The following SERGEF variants were observed in gnomAD, a reference collection of about 807,000 sequenced individuals.
The protein encoded by SERGEF is secretion regulating guanine nucleotide exchange factor.
SERGEF carries 51 observed loss-of-function variants against 50.0 expected under a neutral mutation model. That is an observed-to-expected ratio of 1.02 (90% confidence interval 0.81 to 1.29). The LOEUF (loss-of-function observed/expected upper bound fraction) is 1.29. Among genes scored for constraint, SERGEF ranks in the 50% most tolerant of loss-of-function variants. The probability of loss-of-function intolerance (pLI) is 0.00; values close to 1 mark genes in which losing one functional copy is unlikely to be tolerated. For synonymous variants in SERGEF, 205 were observed against 212.4 expected (o/e 0.97, Z 0.30); for missense variants, 521 against 557.0 (o/e 0.94, Z 0.65).
At chr11:17,874,867 G>C (rs1383037762) in intron 10 of SERGEF, among the ~76,000 whole-genome samples, 1 of 151,632 alleles carries the variant, frequency 6.6e-6, no homozygotes, top group East Asian at 1.9e-4. Context: ...TCCTTCTCTA[G>C]CTCCTGAGAT....
chr11:17,842,468 C>T (rs984499098), intron 10 of SERGEF, among the ~76,000 whole-genome samples: 2 of 152,300 alleles, frequency 1.3e-5, no homozygotes, highest in Middle Eastern at 3.4e-3. Context: ...ATGCATTAGG[C>T]GTGGTACCAA....
chr11:18,012,455 T>C (rs1055306769), intron 1 of SERGEF: 19 of 1,032,438 alleles, frequency 1.8e-5, no homozygotes, highest in Admixed American at 5.7e-5. Flanking sequence ...TGTCAGCAAA[T>C]AGGCAGGGTC....
chr11:17,840,042 TG>T (rs1405484366), intron 10 of SERGEF, among the ~76,000 whole-genome samples: 1 of 152,214 alleles, frequency 6.6e-6, no homozygotes, highest in African/African-American at 2.4e-5. Flanking sequence ...CAGTCCACCA[TG>T]GGAAGCAGTC....
chr11:17,882,621 C>A (rs977021905), intron 9 of SERGEF, among the ~76,000 whole-genome samples: 3 of 152,018 alleles, frequency 2.0e-5, no homozygotes, highest in African/African-American at 7.3e-5. Context: ...TAGAAGACTG[C>A]CTGCTCAGTA....
chr11:18,006,396 G>A (rs144515531), intron 3 of SERGEF, among the ~76,000 whole-genome samples, 195 bp downstream of exon 3: 155 of 152,156 alleles, frequency 1.0e-3, no homozygotes, highest in African/African-American at 3.6e-3. Flanking sequence ...GGGTGGTCTC[G>A]AACTCCTGAC....
chr11:17,812,192 C>T (rs780812348), intron 10 of SERGEF, among the ~76,000 whole-genome samples: 1 of 152,194 alleles, frequency 6.6e-6, no homozygotes, highest in Non-Finnish European at 1.5e-5. Flanking sequence ...GACTGAGAAA[C>T]CAGTTTTAAA....
intron 10 of SERGEF, among the ~76,000 whole-genome samples, chr11:17,875,032 T>C (rs551583699): frequency 6.6e-6 from 1 of 152,252 alleles, no homozygotes; most frequent in Non-Finnish European, 1.5e-5. Flanking sequence ...AATAATATTA[T>C]ATCCCAGATG....
At chr11:17,790,658 T>A (rs1273568557) in intron 10 of SERGEF, among the ~76,000 whole-genome samples, 1 of 152,238 alleles carries the variant, frequency 6.6e-6, no homozygotes, top group Non-Finnish European at 1.5e-5. Context: ...TTGTACAGGG[T>A]GATCCCTGGG....
intron 10 of SERGEF, among the ~76,000 whole-genome samples, chr11:17,828,027 G>A (rs1023467270): frequency 2.0e-5 from 3 of 152,218 alleles, no homozygotes; most frequent in Non-Finnish European, 4.4e-5. Flanking sequence ...GGATGCAACA[G>A]AACTCTATTC....
intron 9 of SERGEF, among the ~76,000 whole-genome samples, chr11:17,938,275 CA>C (rs1295316475): frequency 6.6e-6 from 1 of 152,172 alleles, no homozygotes; most frequent in African/African-American, 2.4e-5. Context: ...CTTGACCCAC[CA>C]TTGGGTTTGG....
chr11:17,972,502 T>C (rs11024440), intron 8 of SERGEF, among the ~76,000 whole-genome samples: 523 of 152,350 alleles, frequency 3.4e-3, no homozygotes, highest in Non-Finnish European at 4.9e-3. Context: ...TTTTTAGCCA[T>C]AAAATATGTT....
chr11:18,011,480 T>C (rs1854194464), intron 1 of SERGEF, among the ~76,000 whole-genome samples: 1 of 152,158 alleles, frequency 6.6e-6, no homozygotes, highest in African/African-American at 2.4e-5. Flanking sequence ...CCAAACCTAC[T>C]CACACCTTGA....
chr11:17,922,053 G>A (rs927956347), intron 9 of SERGEF, among the ~76,000 whole-genome samples: 3 of 152,148 alleles, frequency 2.0e-5, no homozygotes, highest in African/African-American at 7.2e-5. Flanking sequence ...AAGATGAGAT[G>A]GGAGAGATTT....
chr11:17,850,360 G>A (rs1850689448), intron 10 of SERGEF, among the ~76,000 whole-genome samples: 1 of 152,046 alleles, frequency 6.6e-6, no homozygotes. Context: ...AACAACATGG[G>A]GATAATCATC....
intron 10 of SERGEF, among the ~76,000 whole-genome samples, chr11:17,808,658 G>C (rs1358744993): frequency 6.6e-6 from 1 of 152,204 alleles, no homozygotes; most frequent in African/African-American, 2.4e-5. Flanking sequence ...CTTGCTGTCA[G>C]ACCCCTGGTC....
intron 8 of SERGEF, among the ~76,000 whole-genome samples, chr11:17,977,315 ATTT>A (rs1315803094): frequency 2.0e-5 from 3 of 152,170 alleles, no homozygotes. Context: ...AAGAGGTGAC[ATTT>A]GGACAAGAAC....
chr11:17,942,032 G>A (rs1852572559), intron 9 of SERGEF, among the ~76,000 whole-genome samples: 1 of 152,058 alleles, frequency 6.6e-6, no homozygotes, highest in East Asian at 1.9e-4. Context: ...ATTTGAAGTC[G>A]GGTTAGGTGG....
chr11:17,972,257 G>C (rs937912041), intron 8 of SERGEF, among the ~76,000 whole-genome samples: 1 of 152,242 alleles, frequency 6.6e-6, no homozygotes, highest in African/African-American at 2.4e-5. Context: ...GTTCTACTAT[G>C]AGTAAATGCT....
intron 10 of SERGEF, chr11:17,853,748 T>C (rs1850757230): frequency 6.6e-6 from 1 of 152,186 alleles, no homozygotes; most frequent in Admixed American, 6.6e-5. Flanking sequence ...TTCCAGCACT[T>C]TGTGAGGCCG....
Sources: gnomAD v4.1 joint callset for allele counts (sites outside exome capture counted in the v4.1 genomes callset) on GRCh38, gnomAD v4.1.1 for gene constraint, MANE v1.5 for transcripts, NCBI Gene and HGNC (gene_info 2026-07-23, HGNC 2026-07-21) for gene names.